Variants in FER1L6 observed in about 807,000 individuals in gnomAD.
FER1L6 encodes the protein fer-1 like family member 6, also known as fer-1-like protein 6.
In FER1L6, 177 loss-of-function variants were observed where a neutral mutation model predicts 219.2. The ratio of observed to expected loss-of-function variants is 0.81; its 90% CI spans 0.71 to 0.91. The LOEUF (loss-of-function observed/expected upper bound fraction) is 0.91. FER1L6 is among the 40% of genes least tolerant of loss of function. FER1L6 has a pLI of 0.00. For missense variants in FER1L6, 2,153 were observed against 2,259.9 expected, an observed-to-expected ratio of 0.95 and a Z score of 0.96; for synonymous variants, 768 against 824.3, an observed-to-expected ratio of 0.93 and a Z score of 1.17.
At chr8:123,904,430 A>G (rs953126702) in intron 1 of FER1L6, among the ~76,000 whole-genome samples, 1 of 152,026 alleles carries the variant, frequency 6.6e-6, no homozygotes, top group Non-Finnish European at 1.5e-5. Flanking sequence ...TTCTGATGTG[A>G]GGGGGAAAAG....
chr8:124,104,060 G>C (rs1197531865), intron 39 of FER1L6, among the ~76,000 whole-genome samples: 1 of 152,178 alleles, frequency 6.6e-6, no homozygotes, highest in Admixed American at 6.5e-5. Context: ...TGGGTGTGAG[G>C]CAGGGATTCC....
intron 33 of FER1L6, among the ~76,000 whole-genome samples, chr8:124,084,445 T>G (rs1428731465): frequency 6.6e-6 from 1 of 152,106 alleles, no homozygotes; most frequent in Non-Finnish European, 1.5e-5. Context: ...TATACTCAAG[T>G]TTTTTGAGGG....
At chr8:123,909,230 T>C (rs1249237237) in intron 1 of FER1L6, among the ~76,000 whole-genome samples, 3 of 152,168 alleles carry the variant, frequency 2.0e-5, no homozygotes, top group East Asian at 3.9e-4. Flanking sequence ...CAAGCCAAGC[T>C]TGGGAGCCAG....
chr8:124,086,134 T>G (rs113324512), intron 33 of FER1L6, among the ~76,000 whole-genome samples: 8 of 140,616 alleles, frequency 5.7e-5, no homozygotes, highest in African/African-American at 1.9e-4. Context: ...GGCAACGGAG[T>G]ATTGGGTCTT....
At chr8:123,894,252 C>T (rs1812704325) in intron 1 of FER1L6, among the ~76,000 whole-genome samples, 1 of 152,198 alleles carries the variant, frequency 6.6e-6, no homozygotes, top group African/African-American at 2.4e-5. Context: ...TGCTTCCTTA[C>T]CCTTTCCGAG....
intron 1 of FER1L6, among the ~76,000 whole-genome samples, chr8:123,880,682 A>G (rs1395897070): frequency 6.6e-6 from 1 of 152,130 alleles, no homozygotes; most frequent in Non-Finnish European, 1.5e-5. Context: ...CTCAACCACA[A>G]AGGAGGTTGG....
intron 1 of FER1L6, among the ~76,000 whole-genome samples, chr8:123,878,647 A>G (rs1049246481): frequency 6.6e-6 from 1 of 152,242 alleles, no homozygotes; most frequent in Non-Finnish European, 1.5e-5. Flanking sequence ...GCATAAACGA[A>G]TTAACATCTA....
At position 124,082,415 on chromosome 8, in the gene FER1L6, A is replaced by G. The variant is rs1934511349; in HGVS notation, c.4348A>G (p.Ser1450Gly). ...TKIDLENRFY[S>G]KHRAICGLQS... ...GATCGACCTGGAGAACCGCTTCTAC[A>G]GCAAACACCGAGCCATCTGTGGCTT... is the stretch of plus-strand genomic sequence containing the variant. Residue 1450 changes from serine (S) to glycine (G), a missense_variant, in exon 33 of 41, where the codon AGC becomes GGC. Coordinates refer to ENST00000522917, the MANE Select transcript of FER1L6 (RefSeq NM_001039112.2). 6.2e-7 allele frequency: 1 copy of G among 1,614,122 alleles called. No homozygotes were observed. Among genetic ancestry groups the G allele is most frequent in the Non-Finnish European group, 8.5e-7 (1 of 1,179,984 alleles).
rs1051766113 is a variant in FER1L6, at chr8:124,082,463, G to A, written c.4391+5G>A. 1.9e-6 allele frequency: 3 copies of A among 1,613,054 alleles called. No individual in the cohort carries two copies. The highest frequency in any genetic ancestry group is 2.5e-6 in the Non-Finnish European group (3 of 1,179,540). ...CTTGCAGAGCCAGTATGAGATGTAA[G>A]TTCTTTCTCCCCGGGAGACACTTGG... On this transcript the variant is annotated splice_donor_5th_base_variant and intron_variant, in intron 33 of 40. Transcript: ENST00000522917.
At chr8:124,001,285 A>C (rs1171938324) in intron 12 of FER1L6, among the ~76,000 whole-genome samples, 2 of 152,138 alleles carry the variant, frequency 1.3e-5, no homozygotes, top group African/African-American at 2.4e-5. Context: ...TCATGAAGAT[A>C]CCCAATCCTT....
chr8:124,064,738 G>A (rs1820751135), intron 26 of FER1L6, among the ~76,000 whole-genome samples, 165 bp downstream of exon 26: 1 of 152,240 alleles, frequency 6.6e-6, no homozygotes, highest in Admixed American at 6.5e-5. Context: ...CCACTTCACA[G>A]CTTTGTTATA....
chr8:124,112,589 C>T (rs945926828), intron 39 of FER1L6, among the ~76,000 whole-genome samples: 8 of 152,074 alleles, frequency 5.3e-5, no homozygotes, highest in Non-Finnish European at 8.8e-5. Flanking sequence ...GTTAATCCCA[C>T]AAATGGACAG....
chr8:123,875,704 G>A (rs975046243), intron 1 of FER1L6, among the ~76,000 whole-genome samples: 1 of 152,128 alleles, frequency 6.6e-6, no homozygotes, highest in Non-Finnish European at 1.5e-5. Flanking sequence ...ACCCATATAT[G>A]CTCTTCTAAA....
chr8:123,931,072 C>A (rs1420165007), intron 1 of FER1L6, among the ~76,000 whole-genome samples: 6 of 152,108 alleles, frequency 3.9e-5, no homozygotes, highest in Non-Finnish European at 7.4e-5. Flanking sequence ...GTCAAGAGAC[C>A]CCAAAGCCAT....
At chr8:124,101,427 A>G (rs988958554) in intron 38 of FER1L6, 89 bp downstream of exon 38, 10 of 1,249,428 alleles carry the variant, frequency 8.0e-6, no homozygotes, top group Non-Finnish European at 1.1e-5. Context: ...TTACAAGACT[A>G]ATAATTTCAG....
intron 26 of FER1L6, among the ~76,000 whole-genome samples, chr8:124,065,184 A>G (rs7827412): frequency 0.82 from 124,926 of 151,624 alleles, 51,616 homozygotes; most frequent in Non-Finnish European, 0.86. Flanking sequence ...ACTCGAGGCC[A>G]GGAGTTCAAG....
rs533367000 is a variant in FER1L6, at chr8:123,911,560, C to A, written c.-7-44432C>A. ...AAAGGCAAACAGGTAGGAGTTTCAA[C>A]CTAGGTCTTTCTGGCTCTGCATTCT... On this transcript the variant is annotated intron_variant, in intron 1 of 40. Transcript: ENST00000522917. Among the ~76,000 whole-genome samples, 6 of 152,272 alleles carry A rather than the reference C, an allele frequency of 3.9e-5. No individual in the cohort carries two copies. In the East Asian group the frequency reaches 1.2e-3, roughly 29 times the overall value.
chr8:124,091,664 A>G, intron 34 of FER1L6, 81 bp downstream of exon 34: 1 of 1,458,310 alleles, frequency 6.9e-7, no homozygotes, highest in Non-Finnish European at 9.4e-7. Context: ...GCTATGGGAC[A>G]TCTAATTATA....
chr8:124,065,009 A>T (rs532543798), intron 26 of FER1L6, among the ~76,000 whole-genome samples: 1 of 152,340 alleles, frequency 6.6e-6, no homozygotes, highest in East Asian at 1.9e-4. Flanking sequence ...AAAGAACCAC[A>T]AAACAAGGAT....
Sources: gnomAD v4.1 joint callset for allele counts (sites outside exome capture counted in the v4.1 genomes callset) on GRCh38, gnomAD v4.1.1 for gene constraint, MANE v1.5 for transcripts, NCBI Gene and HGNC (gene_info 2026-07-23, HGNC 2026-07-21) for gene names.